KIF7: variants seen among roughly 807,000 people sequenced by gnomAD.
KIF7 encodes the protein kinesin family member 7.
Under a neutral mutation model 135.7 loss-of-function variants are expected in KIF7, and 104 were observed. That is an observed-to-expected ratio of 0.77 (90% confidence interval 0.65 to 0.90). The LOEUF is 0.90. Among genes scored for constraint, KIF7 ranks in the 40% least tolerant of loss-of-function variants. KIF7 has a pLI of 0.00. For synonymous variants in KIF7, 883 were observed against 809.4 expected, an observed-to-expected ratio of 1.09 and a Z score of -1.54; for missense variants, 2,005 against 1,839.1, an observed-to-expected ratio of 1.09 and a Z score of -1.65.
At position 89,629,472 on chromosome 15, in the gene KIF7, C is replaced by G; in HGVS notation, c.3420G>C (p.Val1140=). The change falls in exon 17 of 19, where the codon GTG becomes GTC. Residue 1140 remains valine (V), a synonymous_variant. Coordinates refer to ENST00000394412, the MANE Select transcript of KIF7 (RefSeq NM_198525.3). ...EQQRLVYWLE[V]ALERQRLEMD... ...TCTCCAGGCGCTGCCGCTCCAGGGCCACCTCCAGCCAGTACACCAGCCTCT... is the reference window on the plus strand; with the variant it reads ...TCTCCAGGCGCTGCCGCTCCAGGGCGACCTCCAGCCAGTACACCAGCCTCT... The G allele has an allele frequency of 6.2e-7, 1 of 1,610,668 alleles. No homozygotes were observed. Among genetic ancestry groups the G allele is most frequent in the Non-Finnish European group, 8.5e-7 (1 of 1,179,988 alleles).
rs1248291268 is a variant in KIF7 at position 89,633,869 on chromosome 15, C to A, written c.2409G>T (p.Lys803Asn). Reference sequence around the variant, plus strand: ...ACACCAGCCGCTCCGTAGCCTGCTTCTTCTCCTTCAGCACCTGGGACCCAC... The same window carrying A: ...ACACCAGCCGCTCCGTAGCCTGCTTATTCTCCTTCAGCACCTGGGACCCAC... ...AQSQVQVLKE[K>N]KQATERLVSL... Residue 803 changes from lysine to asparagine, a missense_variant, in exon 12 of 19, where the codon AAG (lysine) becomes AAT (asparagine). Coordinates refer to ENST00000394412, the MANE Select transcript of KIF7 (RefSeq NM_198525.3). 1 of 1,613,856 alleles carries A rather than the reference C, an allele frequency of 6.2e-7. No individual in the cohort carries two copies. Among genetic ancestry groups the A allele is most frequent in the South Asian group, 1.1e-5 (1 of 91,082 alleles).
chr15:89,630,750 G>C, intron 15 of KIF7: 1 of 567,062 alleles, frequency 1.8e-6, no homozygotes. Flanking sequence ...AGGAAGTTCA[G>C]AGCACCCTAA....
chr15:89,652,737 G>A lies in KIF7; in HGVS notation c.194C>T (p.Ala65Val), dbSNP rs775159552. 1 of 1,551,674 alleles carries A rather than the reference G, an allele frequency of 6.4e-7. No individual in the cohort carries two copies. Among genetic ancestry groups the A allele is most frequent in the South Asian group, 1.2e-5 (1 of 84,058 alleles). ...FGFHVVLAED[A>V]GQEAVYQACV... Reference sequence around the variant, plus strand: ...GGCCTGGTACACGGCCTCCTGCCCCGCATCCTCGGCCAGCACCACGTGGAA... The same window carrying A: ...GGCCTGGTACACGGCCTCCTGCCCCACATCCTCGGCCAGCACCACGTGGAA... The change falls in exon 2 of 19, where the codon GCG (alanine) becomes GTG (valine). Residue 65 changes from alanine to valine, a missense_variant. By Grantham distance (64) the Ala-to-Val change is moderately conservative (BLOSUM62 0). Coordinates refer to ENST00000394412, the MANE Select transcript of KIF7 (RefSeq NM_198525.3).
At chr15:89,640,536 G>T (rs374397544) in intron 11 of KIF7, among the ~76,000 whole-genome samples, 1 of 152,116 alleles carries the variant, frequency 6.6e-6, no homozygotes, top group African/African-American at 2.4e-5. Context: ...AACCTGAGCA[G>T]TCAGGCTCCA....
chr15:89,634,690 T>C (rs1244170601), intron 11 of KIF7, among the ~76,000 whole-genome samples: 2 of 152,254 alleles, frequency 1.3e-5, no homozygotes, highest in African/African-American at 4.8e-5. Flanking sequence ...CCACAGAGTC[T>C]GGCTGATTGC....
At chr15:89,635,144 CAGAA>C (rs929312216) in intron 11 of KIF7, among the ~76,000 whole-genome samples, 1 of 151,910 alleles carries the variant, frequency 6.6e-6, no homozygotes, top group Admixed American at 6.6e-5. Flanking sequence ...AACTAACAAA[CAGAA>C]AGGACATCCA....
Position 89,652,826 on chromosome 15 carries a change from C to A in KIF7, c.105G>T (p.Gln35His). The A allele has an allele frequency of 1.3e-6, 2 of 1,550,510 alleles. No individual in the cohort carries two copies. Among genetic ancestry groups the A allele is most frequent in the Middle Eastern group, 3.4e-4 (2 of 5,934 alleles). The part of the protein sequence containing the change: ...LLPKELLHGH[Q>H]SCLQVEPGLG... ...GCCCTGGCTCCACCTGCAGGCAGCT[C>A]TGATGCCCGTGCAGCAGCTCCTTGG... The change falls in exon 2 of 19, where the codon CAG becomes CAT. Residue 35 changes from glutamine (Q) to histidine (H), a missense_variant. Coordinates refer to ENST00000394412, the MANE Select transcript of KIF7 (RefSeq NM_198525.3).
chr15:89,645,758 G>A (rs1250156460), intron 8 of KIF7, 135 bp downstream of exon 8: 11 of 1,255,834 alleles, frequency 8.8e-6, no homozygotes, highest in Non-Finnish European at 1.1e-5. Context: ...GGGCTGGCCA[G>A]GGCAACATGA....
chr15:89,620,126 CATT>C (rs1963400814), intron 1 of KIF7, among the ~76,000 whole-genome samples: 3 of 152,286 alleles, frequency 2.0e-5, no homozygotes, highest in East Asian at 1.9e-4. Context: ...ACCTACACAT[CATT>C]ATCTTAGGTG....
rs746577567 is a variant in KIF7, at chr15:89,632,957, C to G, written c.2758G>C (p.Glu920Gln). 5.6e-6 allele frequency: 9 copies of G among 1,598,444 alleles called. No individual in the cohort carries two copies. The African/African-American group carries it at 1.2e-4, about 22-fold the overall frequency. ...EQKKWLDQEMEKVLQQRRALE... is the reference protein window; with the variant it reads ...EQKKWLDQEMQKVLQQRRALE... ...GCCCGCCGCTGCTGTAGCACCTTCT[C>G]CATCTCCTGGTCCAGCCACTTCTTC... Residue 920 changes from glutamate (E) to glutamine (Q), a missense_variant, in exon 14 of 19, where the codon GAG becomes CAG. Transcript: ENST00000394412.
intron 7 of KIF7, 38 bp from the exon 8 acceptor site, chr15:89,646,064 C>T (rs1339700085): frequency 6.2e-7 from 1 of 1,612,424 alleles, no homozygotes; most frequent in East Asian, 2.2e-5. Flanking sequence ...AAGTCATCAT[C>T]CCTGCGATAT....
chr15:89,649,432 G>C, intron 3 of KIF7, 65 bp from the exon 4 acceptor site: 1 of 1,431,530 alleles, frequency 7.0e-7, no homozygotes, highest in South Asian at 1.5e-5. Flanking sequence ...CAGGAGGGCA[G>C]GCAGAGCAGA....
intron 5 of KIF7, 115 bp downstream of exon 5, chr15:89,648,140 G>A (rs1964049275): frequency 7.5e-7 from 1 of 1,341,668 alleles, no homozygotes; most frequent in Non-Finnish European, 9.6e-7. Context: ...AATCCCGAAC[G>A]TGCCCTGCTA....
Position 89,649,417 on chromosome 15 carries a change from C to A in KIF7, c.530-50G>T. 5.6e-6 allele frequency: 8 copies of A among 1,441,268 alleles called. No homozygotes were observed. In the South Asian group the frequency reaches 1.2e-4, roughly 21 times the overall value. The allele number at this position is 1,441,268 out of a possible 1,614,324, so 89.3% of individuals were successfully genotyped here. On this transcript the variant is annotated intron_variant, in intron 3 of 18. Transcript: ENST00000394412. ...CCCAGGGCAGGGGCCGCCAGACTGA[C>A]CAGCCAGGAGGGCAGGCAGAGCAGA... is the stretch of plus-strand genomic sequence containing the variant.
chr15:89,656,527 G>A (rs1964209061), upstream of KIF7, among the ~76,000 whole-genome samples: 1 of 152,106 alleles, frequency 6.6e-6, no homozygotes, highest in Non-Finnish European at 1.5e-5. Flanking sequence ...TCACTGTCAA[G>A]GGGATGGAAC....
the KIF7 span, among the ~76,000 whole-genome samples, chr15:89,661,724 C>CT: frequency 4.5e-3 from 659 of 145,800 alleles, 2 homozygotes; most frequent in Non-Finnish European, 5.9e-3. Context: ...TTGTAACTAA[C>CT]TTTTTTTTTT....
At chr15:89,619,377 C>T (rs1459283175) in intron 1 of KIF7, among the ~76,000 whole-genome samples, 1 of 152,024 alleles carries the variant, frequency 6.6e-6, no homozygotes, top group Non-Finnish European at 1.5e-5. Context: ...AGGCACCCAC[C>T]ACCATACCTG....
chr15:89,627,256 C>A (rs893569261), downstream of KIF7: 45 of 760,772 alleles, frequency 5.9e-5, no homozygotes, highest in Admixed American at 3.6e-4. Flanking sequence ...CATCTCCTGG[C>A]CCTGCCCCTT....
intron 1 of KIF7, among the ~76,000 whole-genome samples, chr15:89,655,155 C>T (rs1235709670): frequency 3.9e-5 from 6 of 152,230 alleles, no homozygotes; most frequent in African/African-American, 9.6e-5. Context: ...GGCGCTCGCC[C>T]CTCCACGCAG....
Sources: gnomAD v4.1 joint callset for allele counts (sites outside exome capture counted in the v4.1 genomes callset) on GRCh38, gnomAD v4.1.1 for gene constraint, MANE v1.5 for transcripts, NCBI Gene and HGNC (gene_info 2026-07-23, HGNC 2026-07-21) for gene names.